Variants in HABP4 observed in about 807,000 individuals in gnomAD.
HABP4 encodes hyaluronan binding protein 4, also known as intracellular hyaluronan-binding protein 4.
In HABP4, 32 loss-of-function variants were observed where a neutral mutation model predicts 44.1. The observed-to-expected ratio is 0.73, with a 90% CI of 0.55 to 0.97. The LOEUF (loss-of-function observed/expected upper bound fraction) is 0.97, where lower values mean the gene tolerates loss of function less well. HABP4 is among the 50% of genes least tolerant of loss of function. The pLI is 0.00. For synonymous variants in HABP4, 216 were observed against 218.0 expected, an observed-to-expected ratio of 0.99 and a Z score of 0.08; for missense variants, 503 against 561.9, an observed-to-expected ratio of 0.90 and a Z score of 1.06.
intron 1 of HABP4, among the ~76,000 whole-genome samples, chr9:96,456,094 C>G (rs987107602): frequency 6.6e-6 from 1 of 152,134 alleles, no homozygotes; most frequent in Non-Finnish European, 1.5e-5. Context: ...TTATGCTCCA[C>G]TTATGATAAC....
At chr9:96,474,749 G>A (rs533300359) in intron 5 of HABP4, among the ~76,000 whole-genome samples, 2 of 152,230 alleles carry the variant, frequency 1.3e-5, no homozygotes, top group South Asian at 2.1e-4. Context: ...TACATTGAGT[G>A]ATAGCGATGC....
At chr9:96,481,572 G>C (rs1308564821) in intron 5 of HABP4, among the ~76,000 whole-genome samples, 2 of 151,922 alleles carry the variant, frequency 1.3e-5, no homozygotes, top group Non-Finnish European at 2.9e-5. Context: ...GAGAGACCCC[G>C]TCTCTACAAA....
intron 5 of HABP4, among the ~76,000 whole-genome samples, chr9:96,472,394 C>T (rs1163724427): frequency 6.6e-5 from 10 of 152,162 alleles, no homozygotes; most frequent in African/African-American, 2.4e-4. Context: ...TGTACCCTTC[C>T]GCCATCGTCC....
At chr9:96,481,002 G>A (rs1437745957) in intron 5 of HABP4, among the ~76,000 whole-genome samples, 2 of 152,148 alleles carry the variant, frequency 1.3e-5, no homozygotes, top group African/African-American at 2.4e-5. Flanking sequence ...ACATTGATCT[G>A]TGTATTTCTA....
Position 96,480,173 on chromosome 9 carries a change from T to TCAAAA in HABP4, c.828-4273_828-4269dup, listed in dbSNP as rs574620812. 1.9e-3 allele frequency among the ~76,000 whole-genome samples: 288 copies of TCAAAA among 152,204 alleles called. 1 individual carries two copies. The highest frequency in any genetic ancestry group is 6.6e-3 in the African/African-American group (275 of 41,544). Reference sequence around the variant, plus strand: ...CTGGGTGACAGAGTGAGACCCTGTCTCAAAACAAAACAAAACAAAAAAACT... The same window carrying TCAAAA: ...CTGGGTGACAGAGTGAGACCCTGTCTCAAAACAAAACAAAACAAAACAAAAAAACT... On this transcript the variant is annotated intron_variant, in intron 5 of 7. Coordinates refer to ENST00000375249, the MANE Select transcript of HABP4 (RefSeq NM_014282.4).
chr9:96,454,698 T>C (rs1396368453), intron 1 of HABP4, among the ~76,000 whole-genome samples: 1 of 152,170 alleles, frequency 6.6e-6, no homozygotes, highest in Non-Finnish European at 1.5e-5. Context: ...TCTGCCCGCC[T>C]TGGACTCCCA....
chr9:96,454,290 A>G (rs932748942), intron 1 of HABP4, among the ~76,000 whole-genome samples: 2 of 152,206 alleles, frequency 1.3e-5, no homozygotes, highest in African/African-American at 2.4e-5. Context: ...AACTCTTTTT[A>G]CGCTGGGGTA....
intron 5 of HABP4, among the ~76,000 whole-genome samples, chr9:96,477,195 G>A (rs969025287): frequency 4.6e-5 from 7 of 152,108 alleles, no homozygotes; most frequent in Admixed American, 2.6e-4. Context: ...GTATTAGGTC[G>A]TCTTAAGTAT....
chr9:96,456,258 C>A (rs1238700691), intron 1 of HABP4, among the ~76,000 whole-genome samples: 4 of 151,940 alleles, frequency 2.6e-5, no homozygotes, highest in African/African-American at 4.8e-5. Context: ...GAAAAAAATA[C>A]TTTAACAAGG....
rs966048351 is a variant in HABP4 at position 96,488,634 on chromosome 9, C to A, written c.1185+360C>A. On this transcript the variant is annotated intron_variant, in intron 7 of 7. Coordinates refer to ENST00000375249, the MANE Select transcript of HABP4 (RefSeq NM_014282.4). The surrounding 1 kb of genome is among the most constrained non-coding windows in gnomAD (Gnocchi z 4.6). Reference sequence around the variant, plus strand: ...GCTCAGGTGATGCTGTCAGAGTGGACAGAATCCTCCCTAAGATCTCAAGCC... The same window carrying A: ...GCTCAGGTGATGCTGTCAGAGTGGAAAGAATCCTCCCTAAGATCTCAAGCC... Among the ~76,000 whole-genome samples, 4 of 152,172 alleles carry A rather than the reference C, an allele frequency of 2.6e-5. No homozygotes were observed. The East Asian group carries it at 7.7e-4, about 29-fold the overall frequency.
intron 1 of HABP4, among the ~76,000 whole-genome samples, chr9:96,456,100 A>G (rs1006260244): frequency 6.6e-6 from 1 of 152,192 alleles, no homozygotes; most frequent in Non-Finnish European, 1.5e-5. Context: ...TCCACTTATG[A>G]TAACATCTTT....
At chr9:96,469,680 G>GC (rs1162427405) in intron 4 of HABP4, among the ~76,000 whole-genome samples, 1 of 151,916 alleles carries the variant, frequency 6.6e-6, no homozygotes, top group African/African-American at 2.4e-5. Flanking sequence ...CCGCCACCAC[G>GC]CCCACCTAAT....
At chr9:96,483,949 A>C (rs557708267) in intron 5 of HABP4, 1 of 152,470 alleles carries the variant, frequency 6.6e-6, no homozygotes, top group African/African-American at 2.4e-5. Context: ...TGGAAAAAAA[A>C]AATCAGTTGA....
At chr9:96,489,925 G>C (rs1041499097) in intron 7 of HABP4, 57 bp from the exon 8 acceptor site, 2 of 1,046,608 alleles carry the variant, frequency 1.9e-6, no homozygotes, top group African/African-American at 3.1e-5. Flanking sequence ...ATCCCACTGG[G>C]ATATCGGGAA....
At chr9:96,456,806 T>A (rs1236317380) in intron 1 of HABP4, among the ~76,000 whole-genome samples, 16 of 121,294 alleles carry the variant, frequency 1.3e-4, no homozygotes, top group African/African-American at 3.9e-4. Context: ...TATATATATA[T>A]ATATATATAT....
chr9:96,465,915 T>C, intron 4 of HABP4, 137 bp downstream of exon 4: 1 of 601,578 alleles, frequency 1.7e-6, no homozygotes, highest in Middle Eastern at 2.6e-4. Flanking sequence ...TTTTAGGCTT[T>C]TGTTTCGTGA....
intron 4 of HABP4, among the ~76,000 whole-genome samples, chr9:96,468,541 G>A (rs980708731): frequency 6.6e-6 from 1 of 152,036 alleles, no homozygotes; most frequent in African/African-American, 2.4e-5. Context: ...TTATAGACGT[G>A]AGCCACCGTG....
At chr9:96,455,054 G>A (rs1832350292) in intron 1 of HABP4, among the ~76,000 whole-genome samples, 1 of 152,116 alleles carries the variant, frequency 6.6e-6, no homozygotes, top group South Asian at 2.1e-4. Flanking sequence ...CAGAAGTCAA[G>A]GCTGCAGTAA....
chr9:96,481,687 G>A (rs1249047153), intron 5 of HABP4, among the ~76,000 whole-genome samples: 1 of 151,984 alleles, frequency 6.6e-6, no homozygotes, highest in East Asian at 2.0e-4. Context: ...TTGAAGGTAT[G>A]GTGAGCCATC....
Sources: gnomAD v4.1 joint callset for allele counts (sites outside exome capture counted in the v4.1 genomes callset) on GRCh38, gnomAD v4.1.1 for gene constraint, Gnocchi (gnomAD v3.1) non-coding constraint, MANE v1.5 for transcripts, NCBI Gene and HGNC (gene_info 2026-07-23, HGNC 2026-07-21) for gene names.